Variants in NR2C2 observed in about 807,000 individuals in gnomAD.
NR2C2 encodes Nuclear hormone receptor TR4.
In NR2C2, 6 loss-of-function variants were observed where a neutral mutation model predicts 62.9. That is an observed-to-expected ratio of 0.10 (90% confidence interval 0.05 to 0.19). The LOEUF is 0.19. NR2C2 is among the 10% of genes least tolerant of loss of function. The probability of loss-of-function intolerance (pLI) is 1.00; values close to 1 mark genes in which losing one functional copy is unlikely to be tolerated. For missense variants in NR2C2, 479 were observed against 762.7 expected, an observed-to-expected ratio of 0.63 and a Z score of 4.38; for synonymous variants, 272 against 273.8, an observed-to-expected ratio of 0.99 and a Z score of 0.07.
chr3:14,977,792 C>G (rs2040248509), intron 1 of NR2C2, among the ~76,000 whole-genome samples: 1 of 151,838 alleles, frequency 6.6e-6, no homozygotes, highest in South Asian at 2.1e-4. Flanking sequence ...TGGCGAAACC[C>G]CGTCTCTACT....
intron 5 of NR2C2, among the ~76,000 whole-genome samples, chr3:15,022,816 AG>A (rs1202404957): frequency 6.6e-6 from 1 of 152,220 alleles, no homozygotes; most frequent in Admixed American, 6.5e-5. Flanking sequence ...GCTTGAGCCC[AG>A]GATGAGTCCA....
At chr3:15,017,259 C>A (rs765905431) in intron 4 of NR2C2, among the ~76,000 whole-genome samples, 1 of 152,176 alleles carries the variant, frequency 6.6e-6, no homozygotes, top group Non-Finnish European at 1.5e-5. Context: ...CCTCTGCTCC[C>A]GCCCTTTGTC....
At chr3:14,991,178 T>G (rs1254813235) in intron 1 of NR2C2, among the ~76,000 whole-genome samples, 1 of 152,198 alleles carries the variant, frequency 6.6e-6, no homozygotes, top group African/African-American at 2.4e-5. Flanking sequence ...ATGATGCTGG[T>G]TTATAATATT....
chr3:14,996,605 C>T (rs2040838082), intron 1 of NR2C2, among the ~76,000 whole-genome samples: 1 of 152,238 alleles, frequency 6.6e-6, no homozygotes, highest in African/African-American at 2.4e-5. Context: ...GAGTCTCGCT[C>T]TGTCCCCCAG....
chr3:15,046,254 T>C lies in NR2C2; in HGVS notation c.*3246T>C, dbSNP rs928133933. ...GTGTAGTCACTTCTAAGATGTGTAA[T>C]TGCCCTCAAGAGGGACTGATTTTTA... On this transcript the variant is annotated 3_prime_UTR_variant, in exon 14 of 14. Coordinates refer to ENST00000425241, the MANE Select transcript of NR2C2 (RefSeq NM_001291694.2). 1.3e-5 allele frequency: 2 copies of C among 152,210 alleles called. No individual in the cohort carries two copies. Among genetic ancestry groups the C allele is most frequent in the African/African-American group, 4.8e-5 (2 of 41,450 alleles). 9.4% of individuals were successfully genotyped at this position (152,210 alleles called of 1,614,324 possible).
chr3:15,032,573 T>C, intron 10 of NR2C2, 73 bp downstream of exon 10: 1 of 1,574,448 alleles, frequency 6.4e-7, no homozygotes, highest in Non-Finnish European at 8.7e-7. Flanking sequence ...CTGGAAGAAC[T>C]CTGAGGGCCT....
intron 7 of NR2C2, 47 bp from the exon 8 acceptor site, chr3:15,028,539 T>C: frequency 3.8e-6 from 6 of 1,583,702 alleles, no homozygotes; most frequent in Non-Finnish European, 5.2e-6. Flanking sequence ...TGAGAGTCAT[T>C]TGCGTATCTG....
intron 4 of NR2C2, among the ~76,000 whole-genome samples, chr3:15,020,429 G>T (rs528396476): frequency 6.6e-6 from 1 of 152,224 alleles, no homozygotes; most frequent in Non-Finnish European, 1.5e-5. Context: ...GTAGAGTTCA[G>T]CCGTCACCTG....
intron 1 of NR2C2, among the ~76,000 whole-genome samples, chr3:14,977,964 G>A (rs6784477): frequency 0.17 from 23,786 of 137,856 alleles, 2,526 homozygotes; most frequent in African/African-American, 0.29. Flanking sequence ...AAAAAAAAAA[G>A]AAGAAGAAGA....
intron 1 of NR2C2, among the ~76,000 whole-genome samples, chr3:14,956,703 G>A (rs2039536255): frequency 1.3e-5 from 2 of 152,124 alleles, no homozygotes; most frequent in South Asian, 2.1e-4. Context: ...CACCATGCCT[G>A]GCTGATTTTG....
chr3:14,954,318 A>C (rs1574918827), intron 1 of NR2C2, among the ~76,000 whole-genome samples: 2 of 152,166 alleles, frequency 1.3e-5, no homozygotes, highest in East Asian at 3.8e-4. Flanking sequence ...TAAACAATGT[A>C]CTTTCTCGAG....
At chr3:14,982,276 G>T (rs187523997) in intron 1 of NR2C2, among the ~76,000 whole-genome samples, 13 of 152,150 alleles carry the variant, frequency 8.5e-5, no homozygotes, top group East Asian at 3.9e-4. Context: ...TTGCTATGTT[G>T]CCCAGAGTGG....
chr3:15,015,088 G>A (rs555564033), intron 3 of NR2C2, among the ~76,000 whole-genome samples: 4 of 152,162 alleles, frequency 2.6e-5, no homozygotes, highest in East Asian at 1.9e-4. Flanking sequence ...TTCCTTTCCC[G>A]GAGTACATTG....
rs1484300738 is a variant in NR2C2 at position 15,043,051 on chromosome 3, G to A, written c.*43G>A. On this transcript the variant is annotated 3_prime_UTR_variant, in exon 14 of 14. Transcript: ENST00000425241. ...CCAAGGAGCAACAGAATCCTTCCAG[G>A]ACCGTTCACATACAAAGAAAAGTAG... 1.3e-6 allele frequency: 2 copies of A among 1,563,208 alleles called. No homozygotes were observed. The highest frequency in any genetic ancestry group is 1.7e-6 in the Non-Finnish European group (2 of 1,151,808).
intron 1 of NR2C2, among the ~76,000 whole-genome samples, chr3:14,989,802 G>A (rs1359234439): frequency 1.3e-5 from 2 of 151,548 alleles, no homozygotes; most frequent in Non-Finnish European, 2.9e-5. Flanking sequence ...TGTGGTGGCA[G>A]GCACCTGTAA....
At chr3:14,994,243 C>T (rs1559551687) in intron 1 of NR2C2, among the ~76,000 whole-genome samples, 1 of 152,000 alleles carries the variant, frequency 6.6e-6, no homozygotes, top group Non-Finnish European at 1.5e-5. Context: ...AATTCATCAG[C>T]TTATGATGAA....
intron 1 of NR2C2, among the ~76,000 whole-genome samples, chr3:14,955,510 G>A (rs1266207159): frequency 6.6e-6 from 1 of 151,948 alleles, no homozygotes; most frequent in African/African-American, 2.4e-5. Context: ...TAGAGGGAAT[G>A]TTGCGATTTT....
At chr3:15,010,550 G>A (rs369361632) in intron 2 of NR2C2, among the ~76,000 whole-genome samples, 42 of 150,818 alleles carry the variant, frequency 2.8e-4, no homozygotes, top group Non-Finnish European at 5.5e-4. Flanking sequence ...CCCATCTCTA[G>A]AGAAAAAAAA....
At chr3:15,007,221 G>A (rs542097909) in intron 2 of NR2C2, among the ~76,000 whole-genome samples, 12 of 149,412 alleles carry the variant, frequency 8.0e-5, no homozygotes, top group African/African-American at 2.2e-4. Flanking sequence ...TCCGCCTCCC[G>A]GGTTCATGCC....
Sources: gnomAD v4.1 joint callset for allele counts (sites outside exome capture counted in the v4.1 genomes callset) on GRCh38, gnomAD v4.1.1 for gene constraint, MANE v1.5 for transcripts, NCBI Gene and HGNC (gene_info 2026-07-23, HGNC 2026-07-21) for gene names.